The following SPAG16 variants were observed in gnomAD, a reference collection of about 807,000 sequenced individuals.
SPAG16 encodes the protein sperm associated antigen 16, also known as sperm-associated antigen 16 protein.
In SPAG16, 86 loss-of-function variants were observed where a neutral mutation model predicts 80.4. The observed-to-expected ratio is 1.07, with a 90% CI of 0.90 to 1.28. The LOEUF (loss-of-function observed/expected upper bound fraction) is 1.28, where lower values mean the gene tolerates loss of function less well. Among genes scored for constraint, SPAG16 ranks in the 50% most tolerant of loss-of-function variants. The probability of loss-of-function intolerance (pLI) is 0.00; values close to 1 mark genes in which losing one functional copy is unlikely to be tolerated. For missense variants in SPAG16, 870 were observed against 765.3 expected (o/e 1.14, Z -1.61); for synonymous variants, 294 against 265.9 (o/e 1.11, Z -1.03).
chr2:214,028,948 T>C (rs1667716958), intron 13 of SPAG16, among the ~76,000 whole-genome samples: 1 of 152,036 alleles, frequency 6.6e-6, no homozygotes, highest in Non-Finnish European at 1.5e-5. Context: ...CAATTTTTTT[T>C]TAAAGACTAA....
intron 11 of SPAG16, among the ~76,000 whole-genome samples, chr2:213,873,032 TGCC>T (rs2076011056): frequency 6.6e-6 from 1 of 152,072 alleles, no homozygotes; most frequent in Non-Finnish European, 1.5e-5. Flanking sequence ...ACATGGGTGA[TGCC>T]TTTTTCAGGT....
chr2:214,238,105 T>C, intron 15 of SPAG16: 1 of 396,244 alleles, frequency 2.5e-6, no homozygotes, highest in Non-Finnish European at 4.9e-6. Flanking sequence ...TAACAACTTT[T>C]AATTAATCAT....
intron 9 of SPAG16, among the ~76,000 whole-genome samples, chr2:213,482,653 A>G (rs2073805791): frequency 6.6e-6 from 1 of 152,188 alleles, no homozygotes; most frequent in South Asian, 2.1e-4. Context: ...ATTATAAACC[A>G]TCAGTGGAAC....
At chr2:214,278,471 A>G (rs890549096) in intron 15 of SPAG16, among the ~76,000 whole-genome samples, 2 of 152,072 alleles carry the variant, frequency 1.3e-5, no homozygotes, top group East Asian at 1.9e-4. Flanking sequence ...TCCTCTTTCA[A>G]GGTATGAAAG....
chr2:214,120,237 C>CTA (rs2054149178), intron 14 of SPAG16, among the ~76,000 whole-genome samples: 1 of 151,362 alleles, frequency 6.6e-6, no homozygotes, highest in Non-Finnish European at 1.5e-5. Flanking sequence ...GTGTGGCATC[C>CTA]CAATTAATTT....
At chr2:214,146,139 G>A (rs188106387) in intron 14 of SPAG16, among the ~76,000 whole-genome samples, 6 of 151,974 alleles carry the variant, frequency 3.9e-5, no homozygotes, top group Non-Finnish European at 7.4e-5. Flanking sequence ...CTTAATTTAC[G>A]TTAAATGCCT....
chr2:213,513,929 C>T (rs961566434), intron 10 of SPAG16, among the ~76,000 whole-genome samples: 1 of 152,134 alleles, frequency 6.6e-6, no homozygotes, highest in African/African-American at 2.4e-5. Flanking sequence ...GATTGCAAAT[C>T]TTTTCTTATA....
intron 7 of SPAG16, among the ~76,000 whole-genome samples, chr2:213,353,462 G>A (rs933225054): frequency 6.6e-6 from 1 of 152,208 alleles, no homozygotes; most frequent in East Asian, 1.9e-4. Flanking sequence ...GGAGAGTAGT[G>A]TGTTTTTCTA....
chr2:214,200,798 A>G (rs962650115), intron 15 of SPAG16, among the ~76,000 whole-genome samples: 4 of 152,252 alleles, frequency 2.6e-5, no homozygotes, highest in African/African-American at 9.6e-5. Flanking sequence ...AAACAAATAT[A>G]GAACATGGAT....
chr2:214,297,063 G>A (rs1237060734), intron 15 of SPAG16, among the ~76,000 whole-genome samples: 1 of 152,124 alleles, frequency 6.6e-6, no homozygotes, highest in Non-Finnish European at 1.5e-5. Context: ...AGAACCACAA[G>A]CCAAATAAAA....
intron 9 of SPAG16, among the ~76,000 whole-genome samples, chr2:213,411,539 T>G (rs2068965724): frequency 2.0e-5 from 3 of 152,190 alleles, no homozygotes; most frequent in Admixed American, 6.5e-5. Flanking sequence ...TAAAACTCAA[T>G]GTTGTATCTT....
chr2:213,578,837 A>AT (rs993230840), intron 10 of SPAG16, among the ~76,000 whole-genome samples: 21 of 150,258 alleles, frequency 1.4e-4, no homozygotes, highest in South Asian at 2.1e-4. Flanking sequence ...TTCCTTGTAA[A>AT]TTTTTTTTTT....
At chr2:213,307,825 C>G (rs374132313) in intron 3 of SPAG16, among the ~76,000 whole-genome samples, 91 of 152,210 alleles carry the variant, frequency 6.0e-4, no homozygotes, top group African/African-American at 2.1e-3. Flanking sequence ...GTTCCTATTT[C>G]TCCACATCCT....
At chr2:214,158,188 T>G (rs1292198484) in intron 15 of SPAG16, among the ~76,000 whole-genome samples, 1 of 152,050 alleles carries the variant, frequency 6.6e-6, no homozygotes, top group Admixed American at 6.6e-5. Context: ...TTTTAAACAA[T>G]TGCATTTTTT....
At chr2:213,785,582 T>A (rs572983985) in intron 10 of SPAG16, among the ~76,000 whole-genome samples, 1 of 152,348 alleles carries the variant, frequency 6.6e-6, no homozygotes, top group South Asian at 2.1e-4. Flanking sequence ...GGTTCTAAAC[T>A]AGTGATTTAT....
intron 6 of SPAG16, among the ~76,000 whole-genome samples, chr2:213,349,508 T>G (rs1280089217): frequency 6.6e-6 from 1 of 152,130 alleles, no homozygotes; most frequent in East Asian, 1.9e-4. Flanking sequence ...GTTGGAAGTA[T>G]AAATTATAAC....
chr2:213,961,256 A>G (rs2044403256), intron 12 of SPAG16, among the ~76,000 whole-genome samples: 1 of 152,202 alleles, frequency 6.6e-6, no homozygotes, highest in Admixed American at 6.6e-5. Context: ...TTGCTCATGT[A>G]TCCTGTAACC....
At chr2:213,990,409 C>A (rs1393214563) in intron 12 of SPAG16, among the ~76,000 whole-genome samples, 1 of 152,068 alleles carries the variant, frequency 6.6e-6, no homozygotes, top group Non-Finnish European at 1.5e-5. Context: ...CTGAGTATAA[C>A]TTTTGACATT....
intron 10 of SPAG16, among the ~76,000 whole-genome samples, chr2:213,839,625 T>A (rs1051456478): frequency 6.6e-5 from 10 of 152,280 alleles, no homozygotes; most frequent in South Asian, 2.1e-4. Flanking sequence ...CATTTTTTTT[T>A]AAATTATGGA....
Sources: gnomAD v4.1 joint callset for allele counts (sites outside exome capture counted in the v4.1 genomes callset) on GRCh38, gnomAD v4.1.1 for gene constraint, MANE v1.5 for transcripts, NCBI Gene and HGNC (gene_info 2026-07-23, HGNC 2026-07-21) for gene names.